The following GPC6 variants were observed in gnomAD, a reference collection of about 807,000 sequenced individuals.
The protein encoded by GPC6 is glypican 6, also known as glypican-6.
In GPC6, 14 loss-of-function variants were observed where a neutral mutation model predicts 55.2. The observed-to-expected ratio is 0.25, with a 90% confidence interval of 0.17 to 0.40. The LOEUF (loss-of-function observed/expected upper bound fraction) is 0.40, where lower values mean the gene tolerates loss of function less well. Ranked by LOEUF, GPC6 falls within the 10% of genes least tolerant of loss-of-function variation. GPC6 has a pLI of 1.00. For missense variants in GPC6, 641 were observed against 708.5 expected (o/e 0.90, Z 1.08); for synonymous variants, 278 against 259.6 (o/e 1.07, Z -0.68).
intron 2 of GPC6, among the ~76,000 whole-genome samples, chr13:93,751,394 TTG>T (rs1403741914): frequency 6.6e-6 from 1 of 152,094 alleles, no homozygotes; most frequent in Non-Finnish European, 1.5e-5. Context: ...TCTCCCATGA[TTG>T]TGTGTCTGAT....
rs370384948 is a variant in GPC6 at position 93,889,496 on chromosome 13, G to T, written c.711+58951G>T. Among the ~76,000 whole-genome samples the T allele has an allele frequency of 2.0e-5, 3 of 152,182 alleles. No individual in the cohort carries two copies. In the East Asian group the frequency reaches 5.8e-4, roughly 29 times the overall value. On this transcript the variant is annotated intron_variant, in intron 3 of 8. Coordinates refer to ENST00000377047, the MANE Select transcript of GPC6 (RefSeq NM_005708.5). Reference sequence around the variant, plus strand: ...GAAACAAGTATTTTATGGAGCTATGGTTATCATCAAAGGAAGAAAAAACCC... The same window carrying T: ...GAAACAAGTATTTTATGGAGCTATGTTTATCATCAAAGGAAGAAAAAACCC...
intron 4 of GPC6, among the ~76,000 whole-genome samples, chr13:94,084,500 G>A (rs527500143): frequency 6.6e-6 from 1 of 152,178 alleles, no homozygotes; most frequent in Non-Finnish European, 1.5e-5. Context: ...ATATCCCCAG[G>A]TGGACAGTTA....
intron 2 of GPC6, among the ~76,000 whole-genome samples, chr13:93,693,475 G>GTGTT (rs1255367857): frequency 6.6e-6 from 1 of 150,724 alleles, no homozygotes; most frequent in African/African-American, 2.4e-5. Flanking sequence ...GTGTGTGTGT[G>GTGTT]TGTGTGTGTG....
chr13:94,096,378 A>G (rs1885658393), intron 4 of GPC6, among the ~76,000 whole-genome samples: 1 of 151,732 alleles, frequency 6.6e-6, no homozygotes. Context: ...ATAAGATTCT[A>G]GCTACAATGC....
At chr13:93,982,031 C>A (rs981486000) in intron 3 of GPC6, among the ~76,000 whole-genome samples, 1 of 152,014 alleles carries the variant, frequency 6.6e-6, no homozygotes, top group Non-Finnish European at 1.5e-5. Context: ...GCAGAATTCC[C>A]AGAATAAAAT....
intron 2 of GPC6, among the ~76,000 whole-genome samples, chr13:93,558,573 C>T (rs1875598162): frequency 6.6e-6 from 1 of 152,072 alleles, no homozygotes; most frequent in South Asian, 2.1e-4. Flanking sequence ...ACTTTGTTTC[C>T]ATGATGAAAC....
At chr13:93,730,420 A>G (rs1029930666) in intron 2 of GPC6, among the ~76,000 whole-genome samples, 1 of 152,178 alleles carries the variant, frequency 6.6e-6, no homozygotes, top group African/African-American at 2.4e-5. Context: ...AAATTGCAAA[A>G]CTCTACAAAT....
chr13:94,304,312 T>C (rs1347703519), intron 5 of GPC6, among the ~76,000 whole-genome samples: 1 of 152,184 alleles, frequency 6.6e-6, no homozygotes, highest in Non-Finnish European at 1.5e-5. Flanking sequence ...AAATTAGCTG[T>C]AGTGGTAAAA....
chr13:93,314,712 GGTGT>G (rs370613459), intron 1 of GPC6, among the ~76,000 whole-genome samples: 28,309 of 147,286 alleles, frequency 0.19, 2,983 homozygotes, highest in African/African-American at 0.29. Context: ...AACAAGGAGG[GGTGT>G]GTGTGTGTGT....
intron 6 of GPC6, among the ~76,000 whole-genome samples, chr13:94,362,554 G>T (rs1196778279): frequency 1.3e-5 from 2 of 152,216 alleles, no homozygotes; most frequent in Admixed American, 1.3e-4. Flanking sequence ...GGGGGTGAAA[G>T]GTGGACAAAG....
At chr13:93,530,484 T>C (rs534086819) in intron 1 of GPC6, among the ~76,000 whole-genome samples, 1 of 152,290 alleles carries the variant, frequency 6.6e-6, no homozygotes, top group South Asian at 2.1e-4. Context: ...ATGCGGACTC[T>C]CTTGGTCTAG....
intron 3 of GPC6, among the ~76,000 whole-genome samples, chr13:93,893,950 C>A (rs116446279): frequency 1.3e-5 from 2 of 152,128 alleles, no homozygotes; most frequent in African/African-American, 2.4e-5. Flanking sequence ...TTAAGAACAC[C>A]GGTCCACATG....
chr13:93,276,810 C>T (rs1469011741), intron 1 of GPC6, among the ~76,000 whole-genome samples: 1 of 152,138 alleles, frequency 6.6e-6, no homozygotes, highest in Non-Finnish European at 1.5e-5. Context: ...TAAATAACAG[C>T]CGCAGTCCAT....
At chr13:93,416,675 C>T (rs987106250) in intron 1 of GPC6, among the ~76,000 whole-genome samples, 5 of 152,016 alleles carry the variant, frequency 3.3e-5, no homozygotes, top group Admixed American at 1.3e-4. Context: ...ACCCATTAAC[C>T]TTCTCCACCT....
chr13:93,230,094 G>A (rs1405221797), intron 1 of GPC6, among the ~76,000 whole-genome samples: 2 of 151,890 alleles, frequency 1.3e-5, no homozygotes, highest in African/African-American at 2.4e-5. Context: ...GCATCTAATG[G>A]TTTGCTTGAA....
intron 2 of GPC6, among the ~76,000 whole-genome samples, chr13:93,631,083 G>A (rs916819564): frequency 6.6e-6 from 1 of 152,162 alleles, no homozygotes; most frequent in Non-Finnish European, 1.5e-5. Context: ...GGTAAGACAG[G>A]GGTCCTTGCA....
intron 2 of GPC6, among the ~76,000 whole-genome samples, chr13:93,653,351 A>AT (rs1880505727): frequency 6.6e-6 from 1 of 152,168 alleles, no homozygotes; most frequent in Admixed American, 6.5e-5. Flanking sequence ...TCTTCCTTAA[A>AT]TAAGGATATG....
At chr13:94,392,373 G>A (rs1880684607) in intron 7 of GPC6, among the ~76,000 whole-genome samples, 1 of 146,860 alleles carries the variant, frequency 6.8e-6, no homozygotes, top group Admixed American at 6.8e-5. Flanking sequence ...CTTGGGGTGT[G>A]TATATATGCA....
chr13:94,207,648 C>T (rs535196368), intron 4 of GPC6, among the ~76,000 whole-genome samples: 7 of 151,878 alleles, frequency 4.6e-5, no homozygotes, highest in Admixed American at 3.3e-4. Flanking sequence ...TCTTTTTTTC[C>T]CCCTTAGGTG....
Sources: allele counts gnomAD v4.1 joint callset (sites outside exome capture counted in the v4.1 genomes callset), GRCh38; gene constraint gnomAD v4.1.1; transcripts MANE v1.5; gene names NCBI Gene and HGNC (gene_info 2026-07-23, HGNC 2026-07-21).